The following KDM5B variants were observed in gnomAD, a reference collection of about 807,000 sequenced individuals.
KDM5B encodes the protein lysine-specific demethylase 5B.
Under a neutral mutation model 193.4 loss-of-function variants are expected in KDM5B, and 144 were observed. The ratio of observed to expected loss-of-function variants is 0.74; its 90% CI spans 0.65 to 0.86. KDM5B has a LOEUF of 0.86. Ranked by LOEUF, KDM5B falls within the 40% of genes least tolerant of loss-of-function variation. The probability of loss-of-function intolerance (pLI) is 0.00; values close to 1 mark genes in which losing one functional copy is unlikely to be tolerated. For missense variants in KDM5B, 1,833 were observed against 1,886.9 expected (o/e 0.97, Z 0.53); for synonymous variants, 668 against 682.6 (o/e 0.98, Z 0.33).
chr1:202,765,161 G>A (rs887573877), intron 5 of KDM5B, among the ~76,000 whole-genome samples: 1 of 151,986 alleles, frequency 6.6e-6, no homozygotes, highest in Non-Finnish European at 1.5e-5. Context: ...CCTATTCCAA[G>A]GTCTGTCAGT....
chr1:202,729,125 C>T lies in KDM5B; in HGVS notation c.4546G>A (p.Val1516Ile). The T allele has an allele frequency of 6.2e-7, 1 of 1,614,108 alleles. No homozygotes were observed. The highest frequency in any genetic ancestry group is 1.6e-4 in the Middle Eastern group (1 of 6,062). Residue 1516 changes from valine (V) to isoleucine (I), a missense_variant, in exon 27 of 27, where the codon GTC becomes ATC. Coordinates refer to ENST00000367265, the MANE Select transcript of KDM5B (RefSeq NM_006618.5). ...ATCTCTGGGGAGACACCAACACAGACCTGATGAAACCACTGATTGCAGCTG... is the reference window on the plus strand; with the variant it reads ...ATCTCTGGGGAGACACCAACACAGATCTGATGAAACCACTGATTGCAGCTG... ...DGSCNQWFHQVCVGVSPEMAE... is the reference protein window; with the variant it reads ...DGSCNQWFHQICVGVSPEMAE...
intron 7 of KDM5B, among the ~76,000 whole-genome samples, chr1:202,761,763 A>AAC (rs1267966169): frequency 6.6e-6 from 1 of 152,206 alleles, no homozygotes; most frequent in African/African-American, 2.4e-5. Context: ...CAAATTTCCC[A>AAC]GCCTATACAA....
At chr1:202,777,986 C>A (rs1572757631) in intron 1 of KDM5B, among the ~76,000 whole-genome samples, 1 of 152,022 alleles carries the variant, frequency 6.6e-6, no homozygotes, top group Non-Finnish European at 1.5e-5. Flanking sequence ...ACCAGCCTGA[C>A]CAACATGGTG....
intron 1 of KDM5B, among the ~76,000 whole-genome samples, chr1:202,805,809 G>A (rs1479837240): frequency 6.6e-6 from 1 of 152,144 alleles, no homozygotes; most frequent in Non-Finnish European, 1.5e-5. Context: ...TACAACTTCT[G>A]GAAAGATTTC....
chr1:202,772,039 G>A (rs1656742360), intron 4 of KDM5B, among the ~76,000 whole-genome samples: 1 of 152,126 alleles, frequency 6.6e-6, no homozygotes, highest in African/African-American at 2.4e-5. Context: ...AAATCTACTG[G>A]ATTTAAGCAT....
At chr1:202,738,383 A>G (rs552745324) in intron 20 of KDM5B, among the ~76,000 whole-genome samples, 2 of 152,350 alleles carry the variant, frequency 1.3e-5, no homozygotes, top group East Asian at 3.9e-4. Flanking sequence ...TTACTACAAT[A>G]CCAACTATCA....
At chr1:202,740,127 G>A (rs78898815) in intron 20 of KDM5B, among the ~76,000 whole-genome samples, 52,339 of 138,638 alleles carry the variant, frequency 0.38, 12,131 homozygotes, top group Non-Finnish European at 0.5. Context: ...CCTCCCTCCC[G>A]GACGGGGCGG....
intron 24 of KDM5B, 44 bp from the exon 25 acceptor site, chr1:202,731,107 G>A: frequency 6.6e-7 from 1 of 1,503,976 alleles, no homozygotes; most frequent in Middle Eastern, 1.8e-4. Flanking sequence ...AACAAAGGGT[G>A]TTTCACATTC....
At chr1:202,736,441 A>G in intron 20 of KDM5B, 49 bp from the exon 21 acceptor site, 3 of 1,414,204 alleles carry the variant, frequency 2.1e-6, no homozygotes, top group Non-Finnish European at 2.8e-6. Context: ...GAACACTTCT[A>G]TGAAAAACAG....
intron 4 of KDM5B, 125 bp from the exon 5 acceptor site, chr1:202,767,185 TAAA>T: frequency 6.5e-7 from 1 of 1,548,244 alleles, no homozygotes; most frequent in South Asian, 1.1e-5. Context: ...CTGCACCTCT[TAAA>T]ATACTCTTCA....
intron 11 of KDM5B, among the ~76,000 whole-genome samples, chr1:202,753,861 G>A (rs917597138): frequency 3.9e-5 from 6 of 151,924 alleles, no homozygotes; most frequent in African/African-American, 1.5e-4. Context: ...GTGGACACGG[G>A]GTTTCACCAT....
intron 14 of KDM5B, among the ~76,000 whole-genome samples, chr1:202,748,638 T>G (rs1655662137): frequency 1.3e-5 from 2 of 152,010 alleles, no homozygotes; most frequent in South Asian, 4.1e-4. Flanking sequence ...GGAGGTTGAG[T>G]TGGGTGGATA....
intron 5 of KDM5B, among the ~76,000 whole-genome samples, chr1:202,765,551 T>A (rs933205593): frequency 6.6e-6 from 1 of 152,174 alleles, no homozygotes; most frequent in Non-Finnish European, 1.5e-5. Context: ...ATGTATAAGA[T>A]CAAGAATATG....
intron 23 of KDM5B, 118 bp from the exon 24 acceptor site, chr1:202,732,057 A>AAC: frequency 1.6e-6 from 1 of 636,746 alleles, no homozygotes; most frequent in Admixed American, 3.3e-5. Context: ...AAAAAAAAAA[A>AAC]CAACTTGATT....
At position 202,725,021 on chromosome 1, in the gene KDM5B, T is replaced by A. The variant is rs1654626696; in HGVS notation, c.*4015A>T. On this transcript the variant is annotated 3_prime_UTR_variant, in exon 27 of 27. Transcript: ENST00000367265. ...GAATGTTCTTTGGCCTCCACTCACC[T>A]GGAACAGGTCAAATGACCTCACCAT... is the stretch of plus-strand genomic sequence containing the variant. 6.6e-6 allele frequency: 1 copy of A among 152,230 alleles called. No individual in the cohort carries two copies. The highest frequency in any genetic ancestry group is 2.4e-5 in the African/African-American group (1 of 41,456). The allele number at this position is 152,230 out of a possible 1,614,324, so 9.4% of individuals were successfully genotyped here.
intron 23 of KDM5B, among the ~76,000 whole-genome samples, chr1:202,732,399 A>G (rs1328288194): frequency 6.6e-6 from 1 of 152,202 alleles, no homozygotes; most frequent in Non-Finnish European, 1.5e-5. Context: ...CACTCCTTTG[A>G]CCATGAATTA....
At chr1:202,797,939 C>T (rs947792237) in intron 1 of KDM5B, among the ~76,000 whole-genome samples, 1 of 152,186 alleles carries the variant, frequency 6.6e-6, no homozygotes, top group Non-Finnish European at 1.5e-5. Flanking sequence ...GCCTGTAATC[C>T]CAGCACTCTG....
intron 20 of KDM5B, among the ~76,000 whole-genome samples, chr1:202,740,455 GGCT>G (rs1449216127): frequency 7.8e-6 from 1 of 128,848 alleles, no homozygotes; most frequent in Admixed American, 7.8e-5. Flanking sequence ...CCGGGCGGGG[GGCT>G]GACCCCCTCA....
At chr1:202,747,733 T>C (rs1004419709) in intron 14 of KDM5B, among the ~76,000 whole-genome samples, 1 of 151,996 alleles carries the variant, frequency 6.6e-6, no homozygotes, top group African/African-American at 2.4e-5. Context: ...CAATTAGAAA[T>C]TCAGTTTTTA....
Sources: gnomAD v4.1 joint callset for allele counts (sites outside exome capture counted in the v4.1 genomes callset) on GRCh38, gnomAD v4.1.1 for gene constraint, MANE v1.5 for transcripts, NCBI Gene and HGNC (gene_info 2026-07-23, HGNC 2026-07-21) for gene names.